Variants in HIPK1 observed in about 807,000 individuals in gnomAD.
HIPK1 encodes homeodomain-interacting protein kinase 1.
In HIPK1, 28 loss-of-function variants were observed where a neutral mutation model predicts 117.1. That is an observed-to-expected ratio of 0.24 (90% CI 0.18 to 0.33). The LOEUF (loss-of-function observed/expected upper bound fraction) is 0.33, where lower values mean the gene tolerates loss of function less well. Among genes scored for constraint, HIPK1 ranks in the 10% least tolerant of loss-of-function variants. The probability of loss-of-function intolerance (pLI) is 1.00; values close to 1 mark genes in which losing one functional copy is unlikely to be tolerated. For missense variants in HIPK1, 1,122 were observed against 1,475.1 expected (o/e 0.76, Z 3.92); for synonymous variants, 605 against 562.5 (o/e 1.08, Z -1.07).
At chr1:113,950,347 C>T (rs1223342183) in intron 2 of HIPK1, among the ~76,000 whole-genome samples, 1 of 152,152 alleles carries the variant, frequency 6.6e-6, no homozygotes, top group Non-Finnish European at 1.5e-5. Flanking sequence ...TTCCATTTAA[C>T]TCCTGTAACA....
At chr1:113,964,326 G>GAAT (rs1672317333) in intron 10 of HIPK1, among the ~76,000 whole-genome samples, 1 of 152,152 alleles carries the variant, frequency 6.6e-6, no homozygotes, top group Non-Finnish European at 1.5e-5. Context: ...AAGTCATGGG[G>GAAT]AATAGTTACT....
chr1:113,962,473 C>G, intron 9 of HIPK1, 35 bp downstream of exon 9: 1 of 1,599,062 alleles, frequency 6.3e-7, no homozygotes, highest in African/African-American at 1.3e-5. Flanking sequence ...CTCAGTATTG[C>G]TAAACACTAT....
In HIPK1 at chr1:113,977,124, T is replaced by G. The variant is rs545192702; in HGVS notation, c.*3612T>G. 1.3e-5 allele frequency: 2 copies of G among 152,904 alleles called. No individual in the cohort carries two copies. Among genetic ancestry groups the G allele is most frequent in the Non-Finnish European group, 2.9e-5 (2 of 68,032 alleles). 9.5% of individuals were successfully genotyped at this position (152,904 alleles called of 1,614,324 possible). ...GCCAGGCAAGCACAGTAATGTGTGT[T>G]TTGTTCAGCATTATTATGCAAAAAT... On this transcript the variant is annotated 3_prime_UTR_variant, in exon 16 of 16. Transcript: ENST00000426820.
intron 8 of HIPK1, among the ~76,000 whole-genome samples, chr1:113,959,186 T>A (rs993206644): frequency 6.6e-6 from 1 of 152,066 alleles, no homozygotes; most frequent in Non-Finnish European, 1.5e-5. Flanking sequence ...ACACTTTACA[T>A]AGAAGCAGGT....
Position 113,966,267 on chromosome 1 carries a change from C to G in HIPK1, c.2376C>G (p.Asp792Glu). 2 of 1,612,940 alleles carry G rather than the reference C, an allele frequency of 1.2e-6. No homozygotes were observed. The highest frequency in any genetic ancestry group is 1.7e-6 in the Non-Finnish European group (2 of 1,179,498). The change falls in exon 11 of 16, where the codon GAC becomes GAG. Residue 792 changes from aspartate to glutamate, a missense_variant. Asp to Glu is a conservative substitution (Grantham distance 45). This residue lies in a region of HIPK1 where 731 missense variants were observed against 860.4 expected (regional missense o/e 0.85). Transcript: ENST00000426820. ...TGGGGAGTGGACAGCAGCTAGCTGA[C>G]TGGAGGCAAGTGTCCTGTGTTACTC... Reference protein sequence around the residue: ...EAMGSGQQLADWRNAHSHGNQ... With the variant: ...EAMGSGQQLAEWRNAHSHGNQ...
chr1:113,932,509 A>G (rs898651722), intron 1 of HIPK1, among the ~76,000 whole-genome samples: 3 of 139,820 alleles, frequency 2.1e-5, no homozygotes, highest in Non-Finnish European at 4.7e-5. Flanking sequence ...AGCTAGGACT[A>G]CAGGCACTAC....
In HIPK1 at chr1:113,973,228, C is replaced by T; in HGVS notation, c.3349C>T (p.Pro1117Ser). The T allele has an allele frequency of 2.5e-6, 4 of 1,614,052 alleles. No individual in the cohort carries two copies. Among genetic ancestry groups the T allele is most frequent in the Non-Finnish European group, 3.4e-6 (4 of 1,179,996 alleles). Residue 1117 changes from proline (P) to serine (S), a missense_variant, in exon 16 of 16, where the codon CCG becomes TCG. Physicochemically the swap from Pro to Ser is moderately conservative, Grantham distance 74. Coordinates refer to ENST00000426820, the MANE Select transcript of HIPK1 (RefSeq NM_198268.3). ...SQAHLYTYAA[P>S]TSAAALGSTS... ...GGCTCATCTGTATACGTATGCTGCC[C>T]CGACTTCTGCTGCTGCACTGGGCTC... is the stretch of plus-strand genomic sequence containing the variant.
chr1:113,969,961 G>T lies in HIPK1; in HGVS notation c.2777G>T (p.Gly926Val), dbSNP rs114322315. ...TGTATTTTTCTTTTCCTCAGCTCTG[G>T]ACTGAAGCCAAGGTCTAATGTCATC... Reference protein sequence around the residue: ...EDNKYKPSSSGLKPRSNVISY... With the variant: ...EDNKYKPSSSVLKPRSNVISY... Residue 926 changes from glycine (G) to valine (V), a missense_variant, in exon 14 of 16, where the codon GGA becomes GTA. Transcript: ENST00000426820. 1 of 1,614,100 alleles carries T rather than the reference G, an allele frequency of 6.2e-7. No homozygotes were observed. The highest frequency in any genetic ancestry group is 2.2e-5 in the East Asian group (1 of 44,876).
At chr1:113,964,254 CTT>C (rs1194372132) in intron 10 of HIPK1, among the ~76,000 whole-genome samples, 2 of 152,088 alleles carry the variant, frequency 1.3e-5, no homozygotes, top group Non-Finnish European at 2.9e-5. Flanking sequence ...ACAAATAGGT[CTT>C]TATACAAAGG....
intron 8 of HIPK1, among the ~76,000 whole-genome samples, chr1:113,960,252 C>T (rs1672009087): frequency 6.6e-6 from 1 of 152,138 alleles, no homozygotes; most frequent in Non-Finnish European, 1.5e-5. Flanking sequence ...TTCAATAAAA[C>T]AAAATAATAA....
chr1:113,952,773 G>C lies in HIPK1; in HGVS notation c.1084G>C (p.Glu362Gln). 6.9e-7 allele frequency: 1 copy of C among 1,459,720 alleles called. No homozygotes were observed. The highest frequency in any genetic ancestry group is 1.9e-4 in the Middle Eastern group (1 of 5,388). The allele number at this position is 1,459,720 out of a possible 1,614,324, so 90.4% of individuals were successfully genotyped here. ...YLQSRYYRAP[E>Q]IILGLPFCEA... Reference sequence around the variant, plus strand: ...ATTTTTTGTTTTTGCTAGAGCTCCTGAAATTATTCTTGGGTTACCATTTTG... The same window carrying C: ...ATTTTTTGTTTTTGCTAGAGCTCCTCAAATTATTCTTGGGTTACCATTTTG... Residue 362 changes from glutamate (E) to glutamine (Q), a missense_variant, in exon 3 of 16, where the codon GAA (glutamate) becomes CAA (glutamine). Transcript: ENST00000426820.
At chr1:113,956,067 A>ATTT (rs755763487) in intron 5 of HIPK1, among the ~76,000 whole-genome samples, 194 of 91,804 alleles carry the variant, frequency 2.1e-3, no homozygotes, top group East Asian at 2.9e-3. Context: ...TACTTGTTCC[A>ATTT]TTTTTTTTTT....
chr1:113,948,864 G>T (rs1248966463), intron 2 of HIPK1, among the ~76,000 whole-genome samples: 2 of 151,832 alleles, frequency 1.3e-5, no homozygotes, highest in Admixed American at 1.3e-4. Flanking sequence ...CTGAGACGGA[G>T]TTTCGCTCTT....
chr1:113,968,390 A>T, intron 12 of HIPK1, 52 bp from the exon 13 acceptor site: 1 of 1,326,218 alleles, frequency 7.5e-7, no homozygotes, highest in South Asian at 1.2e-5. Context: ...AAAGATACAC[A>T]ATTTGGAAGG....
At chr1:113,943,793 TA>T (rs1403829593) in intron 2 of HIPK1, among the ~76,000 whole-genome samples, 2 of 152,212 alleles carry the variant, frequency 1.3e-5, no homozygotes, top group Non-Finnish European at 2.9e-5. Flanking sequence ...TAACATTTGT[TA>T]TTTTTTTTAT....
intron 2 of HIPK1, among the ~76,000 whole-genome samples, chr1:113,946,360 C>G (rs913373513): frequency 3.3e-5 from 5 of 152,172 alleles, no homozygotes; most frequent in Non-Finnish European, 5.9e-5. Flanking sequence ...TGTTCTTTAA[C>G]TATTTGTTTG....
intron 7 of HIPK1, 22 bp from the exon 8 acceptor site, chr1:113,958,044 A>G (rs777971802): frequency 3.2e-6 from 5 of 1,542,524 alleles, no homozygotes; most frequent in African/African-American, 2.7e-5. Flanking sequence ...CAAGTGTACA[A>G]ATATAATCCT....
At chr1:113,932,417 G>T (rs956281768) in intron 1 of HIPK1, among the ~76,000 whole-genome samples, 1 of 142,052 alleles carries the variant, frequency 7.0e-6, no homozygotes, top group Non-Finnish European at 1.5e-5. Flanking sequence ...TCGCCCTGTC[G>T]CCCAGGTCGG....
intron 3 of HIPK1, among the ~76,000 whole-genome samples, chr1:113,953,327 T>A (rs1305988554): frequency 6.6e-6 from 1 of 152,152 alleles, no homozygotes; most frequent in Non-Finnish European, 1.5e-5. Context: ...TCCCAGAAGC[T>A]GTGACATACT....
Sources: gnomAD v4.1 joint callset for allele counts (sites outside exome capture counted in the v4.1 genomes callset) on GRCh38, gnomAD v4.1.1 for gene constraint, gnomAD v4.1.1 regional missense constraint, MANE v1.5 for transcripts, NCBI Gene and HGNC (gene_info 2026-07-23, HGNC 2026-07-21) for gene names.